The following SDHA variants were observed in gnomAD, a reference collection of about 807,000 sequenced individuals.
SDHA encodes succinate dehydrogenase complex flavoprotein subunit A, also known as succinate dehydrogenase [ubiquinone] flavoprotein subunit, mitochondrial.
A neutral mutation model predicts 78.4 loss-of-function variants in SDHA; 48 were observed. The ratio of observed to expected loss-of-function variants is 0.61; its 90% confidence interval spans 0.49 to 0.78. SDHA has a LOEUF of 0.78. Among genes scored for constraint, SDHA ranks in the 30% least tolerant of loss-of-function variants. The pLI is 0.00. For missense variants in SDHA, 680 were observed against 892.7 expected, an observed-to-expected ratio of 0.76 and a Z score of 3.04; for synonymous variants, 326 against 353.9, an observed-to-expected ratio of 0.92 and a Z score of 0.88.
chr5:248,842 GT>G (rs1325376217), intron 11 of SDHA, among the ~76,000 whole-genome samples: 1 of 152,198 alleles, frequency 6.6e-6, no homozygotes, highest in African/African-American at 2.4e-5. Context: ...TTGTCAGATG[GT>G]AGAAATGATA....
intron 13 of SDHA, among the ~76,000 whole-genome samples, chr5:252,563 G>A (rs1736910794): frequency 7.0e-6 from 1 of 143,652 alleles, no homozygotes; most frequent in African/African-American, 2.6e-5. Flanking sequence ...GGAAATGCCA[G>A]TTTAGTAACG....
the SDHA span, among the ~76,000 whole-genome samples, chr5:265,891 C>T: frequency 6.6e-6 from 1 of 152,156 alleles, no homozygotes; most frequent in East Asian, 1.9e-4. Context: ...ACAGGATCAC[C>T]TGGAGGGACC....
intron 5 of SDHA, 125 bp downstream of exon 5, chr5:226,172 A>G: frequency 9.2e-7 from 1 of 1,085,684 alleles, no homozygotes; most frequent in Non-Finnish European, 1.4e-6. Flanking sequence ...AGAGAACAGC[A>G]GCGTGGGGCG....
rs1735860797 is a variant in SDHA at position 237,571 on chromosome 5, C to T, written c.1432+972C>T. 1.5e-5 allele frequency among the ~76,000 whole-genome samples: 2 copies of T among 134,592 alleles called. 1 individual carries two copies. The highest frequency in any genetic ancestry group is 7.2e-5 in the African/African-American group (2 of 27,732). 88.3% of individuals were successfully genotyped at this position (134,592 alleles called of 152,430 possible). ...GTTATCCAGCCTCGTGTGCTCAGAACAGTGTGAGGTGGATGAGGCACTGGT... is the reference window on the plus strand; with the variant it reads ...GTTATCCAGCCTCGTGTGCTCAGAATAGTGTGAGGTGGATGAGGCACTGGT... On this transcript the variant is annotated intron_variant, in intron 10 of 14. Transcript: ENST00000264932.
Position 240,418 on chromosome 5 carries a change from A to G in SDHA, c.1493A>G (p.Lys498Arg), listed in dbSNP as rs745592653. 1.5e-5 allele frequency: 24 copies of G among 1,611,484 alleles called. No homozygotes were observed. The highest frequency in any genetic ancestry group is 2.7e-5 in the African/African-American group (2 of 74,846). Reference sequence around the variant, plus strand: ...GAAGAATCTGTCATGAATCTTGACAAATTGAGATTTGCTGATGGAAGCATA... The same window carrying G: ...GAAGAATCTGTCATGAATCTTGACAGATTGAGATTTGCTGATGGAAGCATA... ...AGEESVMNLDKLRFADGSIRT... is the reference protein window; with the variant it reads ...AGEESVMNLDRLRFADGSIRT... The change falls in exon 11 of 15, where the codon AAA becomes AGA. Residue 498 changes from lysine to arginine, a missense_variant. Lys to Arg is a conservative substitution (Grantham distance 26, BLOSUM62 2). Coordinates refer to ENST00000264932, the MANE Select transcript of SDHA (RefSeq NM_004168.4).
intron 5 of SDHA, chr5:227,537 G>C (rs1390617262): frequency 2.5e-5 from 4 of 161,386 alleles, no homozygotes; most frequent in Non-Finnish European, 5.5e-5. Flanking sequence ...GCATCGACAA[G>C]TGTGTGGTGG....
At chr5:257,826 CA>C (rs1306479187), downstream of SDHA, among the ~76,000 whole-genome samples, 3 of 59,698 alleles carry the variant, frequency 5.0e-5, no homozygotes, top group African/African-American at 1.7e-4. Context: ...GGGTGAGCTC[CA>C]CCCCCTGCCA....
chr5:239,228 A>T (rs1306482684), intron 10 of SDHA, among the ~76,000 whole-genome samples: 1 of 151,778 alleles, frequency 6.6e-6, no homozygotes, highest in Non-Finnish European at 1.5e-5. Context: ...ACGTTATAAA[A>T]AAAACTTAAA....
chr5:256,747 C>T lies in SDHA; in HGVS notation c.*327C>T. Reference sequence around the variant, plus strand: ...TTGTGACTTTAGTCATATTTGTTGACCTAAAAATCAAATGTAATCTTTGTA... The same window carrying T: ...TTGTGACTTTAGTCATATTTGTTGATCTAAAAATCAAATGTAATCTTTGTA... On this transcript the variant is annotated 3_prime_UTR_variant, in exon 15 of 15. Transcript: ENST00000264932. 1 of 341,148 alleles carries T rather than the reference C, an allele frequency of 2.9e-6. No homozygotes were observed. Among genetic ancestry groups the T allele is most frequent in the Non-Finnish European group, 5.4e-6 (1 of 184,310 alleles). 21.1% of individuals were successfully genotyped at this position (341,148 alleles called of 1,614,324 possible).
chr5:239,716 T>C (rs1407158451), intron 10 of SDHA, among the ~76,000 whole-genome samples: 2 of 152,032 alleles, frequency 1.3e-5, no homozygotes, highest in Admixed American at 6.6e-5. Flanking sequence ...GTCTCTTTTT[T>C]CCCTTAGTGG....
At chr5:218,592 G>A (rs2126523815) in intron 1 of SDHA, among the ~76,000 whole-genome samples, 174 bp downstream of exon 1, 1 of 152,350 alleles carries the variant, frequency 6.6e-6, no homozygotes, top group Admixed American at 6.5e-5. Context: ...GCCGCGGGGC[G>A]GACTCGGGGA....
chr5:241,553 G>A (rs1187228371), intron 11 of SDHA, among the ~76,000 whole-genome samples: 1 of 152,216 alleles, frequency 6.6e-6, no homozygotes, highest in Non-Finnish European at 1.5e-5. Context: ...CAGTATGGCA[G>A]CCATTAGCCA....
chr5:231,596 C>T (rs1268582664), intron 7 of SDHA, among the ~76,000 whole-genome samples: 1 of 150,752 alleles, frequency 6.6e-6, no homozygotes, highest in Non-Finnish European at 1.5e-5. Flanking sequence ...AGGGATTGTT[C>T]AGTGTCCCTC....
chr5:240,058 C>T (rs546777139), intron 10 of SDHA, among the ~76,000 whole-genome samples: 6 of 152,252 alleles, frequency 3.9e-5, no homozygotes, highest in East Asian at 1.9e-4. Context: ...CGTGAGCCAC[C>T]GCACCCGGCC....
At chr5:253,024 A>G (rs1736954743) in intron 13 of SDHA, 1 of 152,238 alleles carries the variant, frequency 6.6e-6, no homozygotes, top group Non-Finnish European at 1.5e-5. Context: ...CCCTGTGGTC[A>G]CTTGTTCTTC....
downstream of SDHA, among the ~76,000 whole-genome samples, chr5:258,635 G>A (rs1458985639): frequency 0.023 from 1,915 of 82,400 alleles, 226 homozygotes; most frequent in African/African-American, 0.13. Context: ...TGTGAGCTCC[G>A]CCTCCCGCCA....
intron 10 of SDHA, among the ~76,000 whole-genome samples, chr5:238,633 G>T (rs1489015842): frequency 6.6e-6 from 1 of 152,152 alleles, no homozygotes; most frequent in African/African-American, 2.4e-5. Flanking sequence ...GCCTCCCGAA[G>T]TGGTTACATG....
chr5:223,840 C>T (rs536950201), intron 2 of SDHA, among the ~76,000 whole-genome samples: 1 of 152,162 alleles, frequency 6.6e-6, no homozygotes, highest in South Asian at 2.1e-4. Flanking sequence ...ATAAAATGAA[C>T]AGTGTCTGCT....
rs112528563 is a variant in SDHA at position 241,237 on chromosome 5, A to G, written c.1551+761A>G. Among the ~76,000 whole-genome samples the G allele has an allele frequency of 9.6e-3, 1,464 of 152,166 alleles. 34 individuals are homozygous for G. The highest frequency in any genetic ancestry group is 0.034 in the African/African-American group (1,403 of 41,508). On this transcript the variant is annotated intron_variant, in intron 11 of 14. Coordinates refer to ENST00000264932, the MANE Select transcript of SDHA (RefSeq NM_004168.4). ...CTGTCATGGATGAGTCACAGCGTGG[A>G]GGAGAGGGAACTGCAGGACCGCTGG... is the stretch of plus-strand genomic sequence containing the variant.
Sources: allele counts gnomAD v4.1 joint callset (sites outside exome capture counted in the v4.1 genomes callset), GRCh38; gene constraint gnomAD v4.1.1; transcripts MANE v1.5; gene names NCBI Gene and HGNC (gene_info 2026-07-23, HGNC 2026-07-21).